SPEN: variants seen among roughly 807,000 people sequenced by gnomAD.
The protein encoded by SPEN is spen family transcriptional repressor.
Under a neutral mutation model 269.9 loss-of-function variants are expected in SPEN, and 18 were observed. The ratio of observed to expected loss-of-function variants is 0.07; its 90% CI spans 0.05 to 0.10. The LOEUF is 0.10. Among genes scored for constraint, SPEN ranks in the 10% least tolerant of loss-of-function variants. The pLI, the probability that SPEN is intolerant of heterozygous loss-of-function variation, is 1.00. For missense variants in SPEN, 3,822 were observed against 4,631.2 expected, an observed-to-expected ratio of 0.83 and a Z score of 5.07; for synonymous variants, 1,726 against 1,765.7, an observed-to-expected ratio of 0.98 and a Z score of 0.56.
chr1:15,857,317 G>A (rs61782193), intron 1 of SPEN, among the ~76,000 whole-genome samples: 26,816 of 151,072 alleles, frequency 0.18, 3,078 homozygotes, highest in South Asian at 0.28. Flanking sequence ...TGTCTGCCTC[G>A]GCCTCTCAAA....
intron 2 of SPEN, chr1:15,874,417 T>TA: frequency 7.5e-7 from 1 of 1,336,892 alleles, no homozygotes; most frequent in Non-Finnish European, 9.9e-7. Flanking sequence ...CTGACCTGTG[T>TA]ATATTAGCCC....
intron 3 of SPEN, among the ~76,000 whole-genome samples, chr1:15,902,538 A>G (rs147061700): frequency 2.9e-3 from 438 of 152,274 alleles, no homozygotes; most frequent in African/African-American, 0.01. Flanking sequence ...TGGGCCAGGA[A>G]TGGTGGCTCA....
chr1:15,923,692 T>TG (rs1169649813), intron 10 of SPEN, among the ~76,000 whole-genome samples: 2 of 151,258 alleles, frequency 1.3e-5, no homozygotes, highest in Admixed American at 6.6e-5. Flanking sequence ...TTTTTTGAGA[T>TG]GAAGTCTTGC....
chr1:15,921,122 T>C (rs1475790546), intron 9 of SPEN, 139 bp downstream of exon 9: 1 of 420,738 alleles, frequency 2.4e-6, no homozygotes, highest in Non-Finnish European at 4.3e-6. Context: ...GGTCAGGAGT[T>C]CGAGACCAGC....
intron 3 of SPEN, among the ~76,000 whole-genome samples, chr1:15,908,701 A>G (rs2070984685): frequency 6.6e-6 from 1 of 152,208 alleles, no homozygotes; most frequent in Non-Finnish European, 1.5e-5. Flanking sequence ...GGCGTGAGCC[A>G]CTGAGCCCCA....
At chr1:15,889,365 C>T (rs1440641894) in intron 3 of SPEN, among the ~76,000 whole-genome samples, 1 of 151,992 alleles carries the variant, frequency 6.6e-6, no homozygotes, top group Non-Finnish European at 1.5e-5. Context: ...GGGGTTTCAC[C>T]ATGTTGGTCA....
At position 15,907,463 on chromosome 1, in the gene SPEN, G is replaced by A. The variant is rs567701937; in HGVS notation, c.882-1858G>A. Among the ~76,000 whole-genome samples the A allele has an allele frequency of 5.5e-4, 83 of 152,198 alleles. 1 individual carries two copies. Among genetic ancestry groups the A allele is most frequent in the African/African-American group, 1.7e-3 (71 of 41,516 alleles). Reference sequence around the variant, plus strand: ...TGCACTCCAGCCTGGACAACAGAGCGAGACTGTGTCTCAAAAGAAAAAAAA... The same window carrying A: ...TGCACTCCAGCCTGGACAACAGAGCAAGACTGTGTCTCAAAAGAAAAAAAA... On this transcript the variant is annotated intron_variant, in intron 3 of 14. Coordinates refer to ENST00000375759, the MANE Select transcript of SPEN (RefSeq NM_015001.3).
intron 1 of SPEN, 43 bp from the exon 2 acceptor site, chr1:15,872,773 A>G (rs2070594441): frequency 2.1e-6 from 3 of 1,447,410 alleles, no homozygotes; most frequent in Non-Finnish European, 1.8e-6. Flanking sequence ...CATTTTGGAA[A>G]ATTATTGATA....
At position 15,847,933 on chromosome 1, in the gene SPEN, AGCCGCCGCCGCT is replaced by A; in HGVS notation, c.-130_-119del. ...TCTCTGCACGGGGGGGAGCCGGAGG[AGCCGCCGCCGCT>A]GCCGACGCCACCGCCGCAGCCGCCG... On this transcript the variant is annotated 5_prime_UTR_variant, in exon 1 of 15. Coordinates refer to ENST00000375759, the MANE Select transcript of SPEN (RefSeq NM_015001.3). The A allele has an allele frequency of 2.7e-6, 1 of 370,462 alleles. No homozygotes were observed. The highest frequency in any genetic ancestry group is 4.7e-6 in the Non-Finnish European group (1 of 214,474). 22.9% of individuals were successfully genotyped at this position (370,462 alleles called of 1,614,324 possible).
intron 9 of SPEN, 141 bp downstream of exon 9, chr1:15,921,124 G>A (rs996259197): frequency 4.8e-6 from 2 of 414,454 alleles, no homozygotes; most frequent in Admixed American, 4.3e-5. Flanking sequence ...TCAGGAGTTC[G>A]AGACCAGCCT....
intron 3 of SPEN, among the ~76,000 whole-genome samples, chr1:15,894,536 G>GGT (rs1553177206): frequency 1.4e-4 from 14 of 100,388 alleles, no homozygotes; most frequent in African/African-American, 3.8e-4. Flanking sequence ...TATTATGGTT[G>GGT]TTTTTTTTTT....
At chr1:15,862,631 G>A (rs555260223) in intron 1 of SPEN, among the ~76,000 whole-genome samples, 1 of 152,252 alleles carries the variant, frequency 6.6e-6, no homozygotes, top group South Asian at 2.1e-4. Flanking sequence ...CTGTCCCTTT[G>A]TTAAAAGTTA....
intron 2 of SPEN, among the ~76,000 whole-genome samples, chr1:15,874,980 T>C (rs74054877): frequency 0.02 from 3,116 of 152,252 alleles, 97 homozygotes; most frequent in African/African-American, 0.07. Context: ...TTAATTGTTA[T>C]AAGATTTTGC....
Position 15,931,274 on chromosome 1 carries a change from C to T in SPEN, c.5034C>T (p.Thr1678=), listed in dbSNP as rs768596149. The T allele has an allele frequency of 1.1e-4, 178 of 1,614,022 alleles. No homozygotes were observed. The highest frequency in any genetic ancestry group is 1.4e-4 in the Non-Finnish European group (164 of 1,180,026). ...VTEEKTVEPA[T]VSEEAKPASE... ...AAGAGAAGACTGTGGAGCCAGCTAC[C>T]GTCTCAGAAGAAGCAAAGCCTGCAT... Residue 1678 remains threonine (T), a synonymous_variant, in exon 11 of 15, where the codon ACC becomes ACT. Coordinates refer to ENST00000375759, the MANE Select transcript of SPEN (RefSeq NM_015001.3). This position sits in a 1 kb window ranked among gnomAD's most constrained non-coding sequence, Gnocchi z 4.8.
intron 3 of SPEN, among the ~76,000 whole-genome samples, chr1:15,903,091 A>G (rs1184607526): frequency 1.3e-5 from 2 of 152,250 alleles, no homozygotes; most frequent in Non-Finnish European, 2.9e-5. Flanking sequence ...CATCTTATAA[A>G]TAGCATACTC....
Position 15,848,824 on chromosome 1 carries a change from TC to T in SPEN, c.83+678del, listed in dbSNP as rs2070304029. ...TGGTGCGCCCGTTTGGGCTTCCTCG[TC>T]CCCGGCGGAGGAGACCGCGTCTGAC... On this transcript the variant is annotated intron_variant, in intron 1 of 14. Coordinates refer to ENST00000375759, the MANE Select transcript of SPEN (RefSeq NM_015001.3). The surrounding 1 kb of genome is among the most constrained non-coding windows in gnomAD (Gnocchi z 5.1). Among the ~76,000 whole-genome samples the T allele has an allele frequency of 6.6e-6, 1 of 151,784 alleles. No homozygotes were observed. Among genetic ancestry groups the T allele is most frequent in the Non-Finnish European group, 1.5e-5 (1 of 67,946 alleles).
chr1:15,876,396 G>C lies in SPEN; in HGVS notation c.599G>C (p.Arg200Pro). 6.2e-7 allele frequency: 1 copy of C among 1,614,070 alleles called. No individual in the cohort carries two copies. The highest frequency in any genetic ancestry group is 8.5e-7 in the Non-Finnish European group (1 of 1,180,016). The change falls in exon 3 of 15, where the codon CGA becomes CCA. Residue 200 changes from arginine (R) to proline (P), a missense_variant. Arg to Pro is a moderately radical substitution (Grantham distance 103). Around this residue, in one of 16 missense-constraint regions of SPEN, gnomAD observed 327 missense variants for 350.8 expected, o/e 0.93. Transcript: ENST00000375759. ...SPNRFDAHDP[R>P]YEPRAREQFT... ...AATCGCTTTGATGCTCATGACCCCC[G>C]ATATGAACCTAGGGCTCGCGAGCAG...
chr1:15,937,039 G>A lies in SPEN; in HGVS notation c.10027-124G>A, dbSNP rs2071281950. 7.1e-7 allele frequency: 1 copy of A among 1,406,288 alleles called. No individual in the cohort carries two copies. The highest frequency in any genetic ancestry group is 2.2e-5 in the Admixed American group (1 of 45,284). 87.1% of individuals were successfully genotyped at this position (1,406,288 alleles called of 1,614,324 possible). On this transcript the variant is annotated intron_variant, in intron 11 of 14. Coordinates refer to ENST00000375759, the MANE Select transcript of SPEN (RefSeq NM_015001.3). This position sits in a 1 kb window ranked among gnomAD's most constrained non-coding sequence, Gnocchi z 5.7. ...CCGTTGATTCAGGCTCCTTCTGTGG[G>A]CCTGACTTAACGGGAGATGCCACAT...
In SPEN at chr1:15,904,209, G is replaced by C. The variant is rs758696167; in HGVS notation, c.882-5112G>C. On this transcript the variant is annotated intron_variant, in intron 3 of 14. Transcript: ENST00000375759. ...ATGTGAACTCGAGGCCGAGCGCGGT[G>C]GCTTATGCCTGTAATCCCAGCACTT... Among the ~76,000 whole-genome samples, 4 of 151,998 alleles carry C rather than the reference G, an allele frequency of 2.6e-5. 1 individual carries two copies. The highest frequency in any genetic ancestry group is 4.4e-5 in the Non-Finnish European group (3 of 67,996).
Sources: gnomAD v4.1 joint callset for allele counts (sites outside exome capture counted in the v4.1 genomes callset) on GRCh38, gnomAD v4.1.1 for gene constraint, gnomAD v4.1.1 regional missense constraint, Gnocchi (gnomAD v3.1) non-coding constraint, MANE v1.5 for transcripts, NCBI Gene and HGNC (gene_info 2026-07-23, HGNC 2026-07-21) for gene names.